ARB2A: variants seen among roughly 807,000 people sequenced by gnomAD.
ARB2A encodes ARB2 cotranscriptional regulator A.
At chr5:93,942,528 A>G in the ARB2A span, among the ~76,000 whole-genome samples, 13 of 152,012 alleles carry the variant, frequency 8.6e-5, no homozygotes, top group East Asian at 2.5e-3. Context: ...CCACTCTTTA[A>G]GGGAAAAAAA....
chr5:93,903,692 T>C, the ARB2A span, among the ~76,000 whole-genome samples: 1 of 148,286 alleles, frequency 6.7e-6, no homozygotes, highest in Non-Finnish European at 1.5e-5. Flanking sequence ...AACTGTTAAA[T>C]TGAAAATTCT....
chr5:94,036,315 T>C, the ARB2A span, among the ~76,000 whole-genome samples: 3 of 152,192 alleles, frequency 2.0e-5, no homozygotes, highest in Non-Finnish European at 4.4e-5. Flanking sequence ...CTTCATCCCA[T>C]TCCTCCACAT....
chr5:93,920,173 A>G, the ARB2A span, among the ~76,000 whole-genome samples: 1 of 152,174 alleles, frequency 6.6e-6, no homozygotes, highest in Non-Finnish European at 1.5e-5. Context: ...TGCCTGGATC[A>G]TAGGTACTGG....
At chr5:93,806,588 G>T in the ARB2A span, among the ~76,000 whole-genome samples, 2 of 151,792 alleles carry the variant, frequency 1.3e-5, no homozygotes, top group South Asian at 2.1e-4. Flanking sequence ...AACAGCAAAT[G>T]ACATTATCTA....
At chr5:93,938,093 T>A in the ARB2A span, among the ~76,000 whole-genome samples, 1 of 152,188 alleles carries the variant, frequency 6.6e-6, no homozygotes, top group Non-Finnish European at 1.5e-5. Flanking sequence ...GTGATATTTA[T>A]ACAGATTTGA....
the ARB2A span, among the ~76,000 whole-genome samples, chr5:93,802,596 G>A: frequency 1.6e-4 from 24 of 152,026 alleles, no homozygotes; most frequent in Non-Finnish European, 2.8e-4. Flanking sequence ...TATAGGACTA[G>A]TTTTTCATTT....
the ARB2A span, chr5:93,618,775 C>CTT: frequency 6.6e-6 from 1 of 152,068 alleles, no homozygotes; most frequent in Admixed American, 6.5e-5. Flanking sequence ...TTAAACCAGG[C>CTT]CTAACCATCC....
chr5:93,683,027 T>C, the ARB2A span: 16 of 1,575,940 alleles, frequency 1.0e-5, no homozygotes, highest in Non-Finnish European at 8.6e-7. Context: ...AGGAGTTTTT[T>C]CCTGTTTTTT....
At chr5:93,873,162 T>C in the ARB2A span, among the ~76,000 whole-genome samples, 2 of 151,528 alleles carry the variant, frequency 1.3e-5, no homozygotes, top group Non-Finnish European at 2.9e-5. Flanking sequence ...TGTGGTGGCA[T>C]GCACCTGTAG....
At chr5:93,805,940 T>C in the ARB2A span, 1 of 985,146 alleles carries the variant, frequency 1.0e-6, no homozygotes, top group Non-Finnish European at 1.2e-6. Context: ...ATATAGACTC[T>C]TCTGATTTCT....
the ARB2A span, chr5:93,619,960 G>A: frequency 2.0e-5 from 3 of 152,104 alleles, no homozygotes; most frequent in Non-Finnish European, 2.9e-5. Context: ...CAAAGGTTTC[G>A]TTTCCTGATG....
chr5:94,101,992 C>T, the ARB2A span, among the ~76,000 whole-genome samples: 6 of 151,230 alleles, frequency 4.0e-5, no homozygotes, highest in Admixed American at 4.0e-4. Context: ...AATACTAAAG[C>T]CCTCCCCGTC....
At chr5:93,865,663 T>G in the ARB2A span, 7 of 985,256 alleles carry the variant, frequency 7.1e-6, no homozygotes, top group Non-Finnish European at 8.4e-6. Context: ...TCATCTATAT[T>G]TATCATCTAA....
chr5:93,740,200 T>A, the ARB2A span: 1 of 166,494 alleles, frequency 6.0e-6, no homozygotes, highest in Non-Finnish European at 1.3e-5. Flanking sequence ...CTTCTGTGAC[T>A]TGAGTTTTTC....
At chr5:93,880,678 T>C in the ARB2A span, among the ~76,000 whole-genome samples, 2 of 151,840 alleles carry the variant, frequency 1.3e-5, no homozygotes, top group African/African-American at 4.8e-5. Context: ...ATGTCTCATA[T>C]ATATAATTTA....
the ARB2A span, among the ~76,000 whole-genome samples, chr5:93,635,990 G>A: frequency 6.6e-6 from 1 of 152,148 alleles, no homozygotes; most frequent in Non-Finnish European, 1.5e-5. Context: ...CTTGGCTTTT[G>A]TACTATTTGA....
chr5:94,054,917 C>G, the ARB2A span, among the ~76,000 whole-genome samples: 1 of 152,124 alleles, frequency 6.6e-6, no homozygotes, highest in African/African-American at 2.4e-5. Flanking sequence ...TTGTAAGCTC[C>G]TTTTTAGATG....
the ARB2A span, among the ~76,000 whole-genome samples, chr5:94,047,951 C>T: frequency 3.3e-5 from 5 of 150,636 alleles, no homozygotes; most frequent in African/African-American, 7.3e-5. Flanking sequence ...AAAACAAACA[C>T]AAAAACCACA....
chr5:93,871,230 T>C, the ARB2A span, among the ~76,000 whole-genome samples: 1 of 152,204 alleles, frequency 6.6e-6, no homozygotes, highest in African/African-American at 2.4e-5. Flanking sequence ...TATTAATGGG[T>C]AGGATTTTTT....
Sources: allele counts gnomAD v4.1 joint callset (sites outside exome capture counted in the v4.1 genomes callset), GRCh38; gene constraint gnomAD v4.1.1; transcripts MANE v1.5; gene names NCBI Gene and HGNC (gene_info 2026-07-23, HGNC 2026-07-21).